The following SERPINE2 variants were observed in gnomAD, a reference collection of about 807,000 sequenced individuals.
The protein encoded by SERPINE2 is glia-derived nexin.
SERPINE2 carries 14 observed loss-of-function variants against 36.3 expected under a neutral mutation model. The observed-to-expected ratio is 0.39, with a 90% CI of 0.25 to 0.60. The LOEUF is 0.60. SERPINE2 is among the 20% of genes least tolerant of loss of function. The pLI is 0.57. For missense variants in SERPINE2, 418 were observed against 499.6 expected, an observed-to-expected ratio of 0.84 and a Z score of 1.56; for synonymous variants, 192 against 191.8, an observed-to-expected ratio of 1.00 and a Z score of -0.01.
intron 1 of SERPINE2, among the ~76,000 whole-genome samples, chr2:224,028,527 G>T (rs976337126): frequency 2.0e-5 from 3 of 152,170 alleles, no homozygotes; most frequent in African/African-American, 7.2e-5. Flanking sequence ...CATTCCTGAA[G>T]ATAGCGTTTC....
intron 4 of SERPINE2, 94 bp from the exon 5 acceptor site, chr2:223,985,044 C>T (rs1300566342): frequency 1.6e-5 from 17 of 1,063,604 alleles, no homozygotes; most frequent in Non-Finnish European, 2.3e-5. Flanking sequence ...CAGAGAGCAA[C>T]TCAGTTGGAG....
At chr2:224,022,540 C>G (rs1692041815) in intron 1 of SERPINE2, among the ~76,000 whole-genome samples, 1 of 152,116 alleles carries the variant, frequency 6.6e-6, no homozygotes, top group Non-Finnish European at 1.5e-5. Context: ...GGGCTATTCT[C>G]TTACATTATC....
intron 1 of SERPINE2, among the ~76,000 whole-genome samples, chr2:224,017,428 C>A (rs1269380721): frequency 6.6e-6 from 1 of 152,156 alleles, no homozygotes; most frequent in Non-Finnish European, 1.5e-5. Context: ...TACAATCACA[C>A]AAAAATGTAA....
intron 1 of SERPINE2, among the ~76,000 whole-genome samples, chr2:224,029,352 C>T (rs1289129795): frequency 6.8e-6 from 1 of 147,888 alleles, no homozygotes; most frequent in Non-Finnish European, 1.5e-5. Flanking sequence ...TGTATGAAGT[C>T]CAAAGTGGAT....
At chr2:223,998,441 G>C in intron 2 of SERPINE2, 99 bp from the exon 3 acceptor site, 1 of 846,228 alleles carries the variant, frequency 1.2e-6, no homozygotes, top group Non-Finnish European at 1.9e-6. Context: ...GTATAGGCCA[G>C]GTGCAGTGGC....
intron 1 of SERPINE2, among the ~76,000 whole-genome samples, chr2:224,014,635 G>A (rs1691737477): frequency 6.6e-6 from 1 of 152,162 alleles, no homozygotes; most frequent in Non-Finnish European, 1.5e-5. Context: ...TGTGGGGGCT[G>A]TCTTGGGTAC....
intron 2 of SERPINE2, among the ~76,000 whole-genome samples, chr2:223,999,036 G>C (rs932686608): frequency 7.2e-5 from 11 of 152,094 alleles, no homozygotes; most frequent in African/African-American, 2.4e-4. Flanking sequence ...TCTCTTTCTT[G>C]TCTAACGTTA....
intron 3 of SERPINE2, among the ~76,000 whole-genome samples, chr2:223,993,740 A>G (rs1399944357): frequency 6.6e-6 from 1 of 152,176 alleles, no homozygotes; most frequent in Non-Finnish European, 1.5e-5. Context: ...TACATAAATC[A>G]TGATAAATAA....
Position 223,975,818 on chromosome 2 carries a change from C to T in SERPINE2, c.*49G>A. 1 of 1,468,942 alleles carries T rather than the reference C, an allele frequency of 6.8e-7. No homozygotes were observed. 91.0% of individuals were successfully genotyped at this position (1,468,942 alleles called of 1,614,324 possible). A position where few individuals can be genotyped will look rare whatever the true frequency, so the allele number is the denominator to read the frequency against. ...TGAAAGATGCAGGAAAGGAGTCTTT[C>T]TTCGTAGCAAAGTAGTCGTTGCTTT... is the stretch of plus-strand genomic sequence containing the variant. On this transcript the variant is annotated 3_prime_UTR_variant, in exon 9 of 9. Transcript: ENST00000409304.
chr2:224,027,670 C>A (rs1692230084), intron 1 of SERPINE2, among the ~76,000 whole-genome samples: 1 of 152,150 alleles, frequency 6.6e-6, no homozygotes, highest in Admixed American at 6.5e-5. Flanking sequence ...ACAGACAATG[C>A]TCCCTGATTG....
chr2:224,016,661 A>G (rs1422355425), intron 1 of SERPINE2, among the ~76,000 whole-genome samples: 5 of 152,212 alleles, frequency 3.3e-5, no homozygotes, highest in Admixed American at 6.5e-5. Context: ...CATTTCACAT[A>G]AAAACCTGTA....
intron 1 of SERPINE2, among the ~76,000 whole-genome samples, chr2:224,003,922 C>A (rs970444811): frequency 6.6e-5 from 10 of 152,112 alleles, no homozygotes; most frequent in Non-Finnish European, 1.2e-4. Flanking sequence ...GAAATCATGT[C>A]TCTGTGTGCT....
At chr2:224,035,656 A>T (rs7569693) in intron 1 of SERPINE2, among the ~76,000 whole-genome samples, 46,303 of 152,134 alleles carry the variant, frequency 0.3, 7,270 homozygotes, top group Non-Finnish European at 0.34. Flanking sequence ...GGTATGAGCC[A>T]CCACGCACTG....
intron 5 of SERPINE2, among the ~76,000 whole-genome samples, chr2:223,984,205 T>G (rs879936403): frequency 6.6e-6 from 1 of 152,188 alleles, no homozygotes; most frequent in Non-Finnish European, 1.5e-5. Context: ...TGTTAGAACA[T>G]GAAGATTCAT....
intron 1 of SERPINE2, among the ~76,000 whole-genome samples, chr2:224,035,984 A>G (rs1692519725): frequency 9.9e-6 from 1 of 100,610 alleles, no homozygotes; most frequent in African/African-American, 3.1e-5. Flanking sequence ...GAACGGTGGA[A>G]CCACTGCCAA....
At chr2:224,018,675 A>C (rs1418207750) in intron 1 of SERPINE2, among the ~76,000 whole-genome samples, 1 of 152,280 alleles carries the variant, frequency 6.6e-6, no homozygotes, top group South Asian at 2.1e-4. Context: ...GGATGAGAAG[A>C]AAAAGTACTC....
chr2:223,988,040 C>G (rs1315424675), intron 4 of SERPINE2, among the ~76,000 whole-genome samples: 1 of 152,150 alleles, frequency 6.6e-6, no homozygotes, highest in Non-Finnish European at 1.5e-5. Context: ...ACTCTACATT[C>G]TAGGCTGGAG....
At chr2:224,002,523 C>T (rs897158513) in intron 1 of SERPINE2, among the ~76,000 whole-genome samples, 4 of 151,998 alleles carry the variant, frequency 2.6e-5, no homozygotes, top group Non-Finnish European at 4.4e-5. Context: ...GAAACAGTCT[C>T]ACTCTGCTGC....
At chr2:223,999,108 G>GA (rs909979384) in intron 2 of SERPINE2, among the ~76,000 whole-genome samples, 17 of 151,148 alleles carry the variant, frequency 1.1e-4, no homozygotes, top group South Asian at 2.1e-4. Context: ...TTCTATTTTG[G>GA]AAAAAAAATG....
Sources: allele counts gnomAD v4.1 joint callset (sites outside exome capture counted in the v4.1 genomes callset), GRCh38; gene constraint gnomAD v4.1.1; transcripts MANE v1.5; gene names NCBI Gene and HGNC (gene_info 2026-07-23, HGNC 2026-07-21).